Variants in ENPP3 observed in about 807,000 individuals in gnomAD.
ENPP3 encodes ectonucleotide pyrophosphatase/phosphodiesterase family member 3.
ENPP3 carries 104 observed loss-of-function variants against 117.8 expected under a neutral mutation model. The ratio of observed to expected loss-of-function variants is 0.88; its 90% CI spans 0.75 to 1.04. The LOEUF (loss-of-function observed/expected upper bound fraction) is 1.04, where lower values mean the gene tolerates loss of function less well. ENPP3 is among the 50% of genes least tolerant of loss of function. ENPP3 has a pLI of 0.00. For synonymous variants in ENPP3, 380 were observed against 349.9 expected (o/e 1.09, Z -0.96); for missense variants, 1,026 against 1,051.9 (o/e 0.98, Z 0.34).
intron 15 of ENPP3, chr6:131,700,308 C>T: frequency 3.7e-6 from 1 of 273,646 alleles, no homozygotes. Flanking sequence ...TGAAATCAGT[C>T]ATTTAAAGGT....
At chr6:131,739,038 A>G (rs1242748755) in intron 23 of ENPP3, among the ~76,000 whole-genome samples, 1 of 152,180 alleles carries the variant, frequency 6.6e-6, no homozygotes, top group Non-Finnish European at 1.5e-5. Context: ...TAGGTACTTT[A>G]TAAAGAACTC....
chr6:131,696,093 G>A (rs1779398979), intron 15 of ENPP3, among the ~76,000 whole-genome samples: 2 of 152,116 alleles, frequency 1.3e-5, no homozygotes, highest in African/African-American at 2.4e-5. Context: ...TCAACAGTTT[G>A]TATAATCCAT....
chr6:131,661,782 A>G (rs980079934), intron 6 of ENPP3, among the ~76,000 whole-genome samples: 1 of 152,198 alleles, frequency 6.6e-6, no homozygotes, highest in Non-Finnish European at 1.5e-5. Flanking sequence ...AGTTCCTTAT[A>G]TATTTTCGAA....
intron 24 of ENPP3, among the ~76,000 whole-genome samples, chr6:131,743,258 A>G (rs1780566428): frequency 3.3e-5 from 5 of 150,820 alleles, no homozygotes; most frequent in Admixed American, 3.3e-4. Flanking sequence ...TTGACAGACT[A>G]GTTGAATATT....
At chr6:131,677,777 C>T (rs1401647050) in intron 10 of ENPP3, 91 bp from the exon 11 acceptor site, 3 of 811,956 alleles carry the variant, frequency 3.7e-6, no homozygotes, top group East Asian at 5.1e-5. Flanking sequence ...AAGGCAATGG[C>T]TAGCAAGCCC....
intron 19 of ENPP3, 88 bp from the exon 20 acceptor site, chr6:131,725,958 T>G: frequency 1.3e-6 from 1 of 761,208 alleles, no homozygotes; most frequent in Non-Finnish European, 2.2e-6. Flanking sequence ...CATAAGAGAG[T>G]GGTAGTTATT....
chr6:131,675,262 G>A (rs1778842394), intron 9 of ENPP3, 73 bp downstream of exon 9: 3 of 1,027,854 alleles, frequency 2.9e-6, no homozygotes, highest in African/African-American at 3.2e-5. Flanking sequence ...TAATCTTGGT[G>A]GCAATTCTAT....
intron 6 of ENPP3, among the ~76,000 whole-genome samples, chr6:131,661,186 C>T (rs982444695): frequency 6.6e-6 from 1 of 152,058 alleles, no homozygotes; most frequent in South Asian, 2.1e-4. Context: ...CTTCAGTGAA[C>T]ATGGGAGTGC....
intron 21 of ENPP3, 45 bp downstream of exon 21, chr6:131,733,768 T>A: frequency 6.3e-7 from 1 of 1,597,908 alleles, no homozygotes; most frequent in South Asian, 1.1e-5. Flanking sequence ...AAAGCTCTCA[T>A]CAGCTGGATG....
At chr6:131,702,366 A>G (rs9493061) in intron 15 of ENPP3, among the ~76,000 whole-genome samples, 2,299 of 149,872 alleles carry the variant, frequency 0.015, 67 homozygotes, top group African/African-American at 0.054. Flanking sequence ...CACAGCATAT[A>G]TCTCACAAAA....
intron 6 of ENPP3, among the ~76,000 whole-genome samples, chr6:131,664,772 T>G (rs894420742): frequency 3.3e-5 from 5 of 152,244 alleles, no homozygotes; most frequent in Non-Finnish European, 7.3e-5. Context: ...TGTACAGATT[T>G]GTACAATAGA....
chr6:131,669,018 G>A (rs985138141), intron 6 of ENPP3, among the ~76,000 whole-genome samples: 7 of 152,018 alleles, frequency 4.6e-5, no homozygotes, highest in African/African-American at 9.7e-5. Context: ...TTACAATACC[G>A]GTAGCTTAAT....
intron 2 of ENPP3, among the ~76,000 whole-genome samples, chr6:131,647,370 C>T (rs561571497): frequency 1.3e-5 from 2 of 152,204 alleles, no homozygotes; most frequent in East Asian, 1.9e-4. Context: ...CTTTAATGTA[C>T]ATTAAGACTG....
intron 20 of ENPP3, among the ~76,000 whole-genome samples, chr6:131,732,710 C>CGTTATT (rs1554269197): frequency 7.6e-6 from 1 of 131,750 alleles, no homozygotes; most frequent in African/African-American, 2.8e-5. Context: ...TGGCCTAAGA[C>CGTTATT]ATTATTATTA....
chr6:131,642,720 A>G (rs1585608284), intron 2 of ENPP3: 1 of 152,098 alleles, frequency 6.6e-6, no homozygotes, highest in East Asian at 1.9e-4. Context: ...ACAGGCATGC[A>G]CTACCACACG....
intron 15 of ENPP3, among the ~76,000 whole-genome samples, chr6:131,717,712 A>T (rs1338764299): frequency 1.3e-5 from 2 of 152,194 alleles, no homozygotes; most frequent in East Asian, 3.8e-4. Flanking sequence ...ACAAAGGTAA[A>T]CATAATTATA....
intron 9 of ENPP3, among the ~76,000 whole-genome samples, chr6:131,676,049 A>G (rs1164944111): frequency 6.6e-6 from 1 of 152,018 alleles, no homozygotes; most frequent in Admixed American, 6.6e-5. Context: ...GTGGACTTCA[A>G]CATGCTAGAC....
chr6:131,737,527 T>A (rs1780424963), intron 22 of ENPP3, 95 bp downstream of exon 22: 2 of 730,726 alleles, frequency 2.7e-6, no homozygotes, highest in East Asian at 5.1e-5. Flanking sequence ...AATTTGTTCC[T>A]GATATTAAGG....
intron 16 of ENPP3, among the ~76,000 whole-genome samples, chr6:131,719,978 G>A (rs1260674732): frequency 2.6e-5 from 4 of 151,980 alleles, no homozygotes; most frequent in Non-Finnish European, 5.9e-5. Context: ...ACTAAATATT[G>A]TGCCCATATT....
Sources: allele counts gnomAD v4.1 joint callset (sites outside exome capture counted in the v4.1 genomes callset), GRCh38; gene constraint gnomAD v4.1.1; transcripts MANE v1.5; gene names NCBI Gene and HGNC (gene_info 2026-07-23, HGNC 2026-07-21).